GINS3: variants seen among roughly 807,000 people sequenced by gnomAD.
GINS3 encodes the protein GINS complex subunit 3.
A neutral mutation model predicts 20.0 loss-of-function variants in GINS3; 18 were observed. The ratio of observed to expected loss-of-function variants is 0.90; its 90% CI spans 0.62 to 1.33. The LOEUF (loss-of-function observed/expected upper bound fraction) is 1.33, where lower values mean the gene tolerates loss of function less well. GINS3 is among the 40% of genes most tolerant of loss of function. The pLI is 0.00. For synonymous variants in GINS3, 109 were observed against 107.0 expected (o/e 1.02, Z -0.12); for missense variants, 254 against 273.6 (o/e 0.93, Z 0.51).
rs533887510 is a variant in GINS3 at position 58,406,077 on chromosome 16, TAATC to T, written c.*1351_*1354del. On this transcript the variant is annotated 3_prime_UTR_variant, in exon 3 of 3. Coordinates refer to ENST00000318129, the MANE Select transcript of GINS3 (RefSeq NM_022770.4). Reference sequence around the variant, plus strand: ...AGTGCTCTTTCACTAGTACTACAGATAATCAAAGCTATCAGAATTGTGTCTTTGA... The same window carrying T: ...AGTGCTCTTTCACTAGTACTACAGATAAAGCTATCAGAATTGTGTCTTTGA... 148 of 152,334 alleles carry T rather than the reference TAATC, an allele frequency of 9.7e-4. No homozygotes were observed. The highest frequency in any genetic ancestry group is 3.4e-3 in the African/African-American group (142 of 41,568). 9.4% of individuals were successfully genotyped at this position (152,334 alleles called of 1,614,324 possible).
chr16:58,402,924 AC>A (rs1346689558), intron 1 of GINS3, 173 bp from the exon 2 acceptor site: 2 of 596,616 alleles, frequency 3.4e-6, no homozygotes, highest in East Asian at 5.5e-5. Flanking sequence ...ATCACATAAA[AC>A]TTCAGCCCAC....
chr16:58,398,497 T>C (rs1386749465), intron 1 of GINS3, among the ~76,000 whole-genome samples: 3 of 151,996 alleles, frequency 2.0e-5, no homozygotes, highest in Non-Finnish European at 4.4e-5. Flanking sequence ...TGGTCACAGC[T>C]ACTCAGGAGG....
intron 1 of GINS3, among the ~76,000 whole-genome samples, chr16:58,394,217 G>T (rs1204599505): frequency 6.6e-6 from 1 of 151,812 alleles, no homozygotes; most frequent in African/African-American, 2.4e-5. Context: ...GCCTTCTCTT[G>T]GTTGTGACAA....
chr16:58,395,601 AC>A (rs1229170822), intron 1 of GINS3, among the ~76,000 whole-genome samples: 4 of 151,980 alleles, frequency 2.6e-5, no homozygotes, highest in Non-Finnish European at 4.4e-5. Flanking sequence ...AATCCATTCA[AC>A]CCCTGAGTGG....
At position 58,392,770 on chromosome 16, in the gene GINS3, G is replaced by A; in HGVS notation, c.169G>A (p.Asp57Asn). ...FLERSAGAET[D>N]NAVPQGSKLE... ...GGAGCGGAGCGCAGGCGCCGAGACT[G>A]ACAACGCGGTCCCACAGGTGAGCCT... is the stretch of plus-strand genomic sequence containing the variant. The change falls in exon 1 of 3, where the codon GAC becomes AAC. Residue 57 changes from aspartate to asparagine, a missense_variant. Coordinates refer to ENST00000318129, the MANE Select transcript of GINS3 (RefSeq NM_022770.4). 6.2e-7 allele frequency: 1 copy of A among 1,609,390 alleles called. No homozygotes were observed. Among genetic ancestry groups the A allele is most frequent in the Non-Finnish European group, 8.5e-7 (1 of 1,178,820 alleles).
chr16:58,394,189 A>G (rs781602760), intron 1 of GINS3, among the ~76,000 whole-genome samples: 3 of 152,136 alleles, frequency 2.0e-5, no homozygotes, highest in Non-Finnish European at 4.4e-5. Context: ...CACTGCATTT[A>G]GTAGACATGT....
rs547038018 is a variant in GINS3 at position 58,396,131 on chromosome 16, G to A, written c.186+3344G>A. On this transcript the variant is annotated intron_variant, in intron 1 of 2. Coordinates refer to ENST00000318129, the MANE Select transcript of GINS3 (RefSeq NM_022770.4). ...TCCCGGACGGGGCGGCTGGCTGGGTGGGGGGCTGACCCCCCCACCTCCCTC... is the reference window on the plus strand; with the variant it reads ...TCCCGGACGGGGCGGCTGGCTGGGTAGGGGGCTGACCCCCCCACCTCCCTC... Among the ~76,000 whole-genome samples, 288 of 127,584 alleles carry A rather than the reference G, an allele frequency of 2.3e-3. 6 individuals carry two copies. The highest frequency in any genetic ancestry group is 8.3e-3 in the African/African-American group (268 of 32,376). The allele number at this position is 127,584 out of a possible 152,430, so 83.7% of individuals were successfully genotyped here. A position where few individuals can be genotyped will look rare whatever the true frequency, so the allele number is the denominator to read the frequency against.
chr16:58,393,828 CA>C (rs746322212), intron 1 of GINS3, among the ~76,000 whole-genome samples: 3,317 of 55,396 alleles, frequency 0.06, 88 homozygotes, highest in African/African-American at 0.17. Context: ...GACTCCATCT[CA>C]AAAAAAAAAA....
At chr16:58,401,557 T>C (rs916093821) in intron 1 of GINS3, among the ~76,000 whole-genome samples, 6 of 152,236 alleles carry the variant, frequency 3.9e-5, no homozygotes, top group African/African-American at 1.4e-4. Flanking sequence ...CTGATTGGTC[T>C]GTTTTTACAG....
Position 58,403,217 on chromosome 16 carries a change from A to C in GINS3, c.306A>C (p.Ala102=), listed in dbSNP as rs749824636. 1.9e-6 allele frequency: 3 copies of C among 1,614,192 alleles called. No individual in the cohort carries two copies. The part of the protein sequence containing the change: ...YQEGWRTVFS[A]DPNVVDLHKM... ...AGGGTTGGAGGACTGTGTTCAGTGC[A>C]GATCCCAATGTGGTGGACCTCCACA... The change falls in exon 2 of 3, where the codon GCA becomes GCC. Residue 102 remains alanine, a synonymous_variant. Transcript: ENST00000318129.
In GINS3 at chr16:58,405,913, A is replaced by G. The variant is rs1966028913; in HGVS notation, c.*1184A>G. ...TGGGTATCCAGATTGTGCAGATGCA[A>G]ACTTAGGCTGTCTTGATGCAAACTT... On this transcript the variant is annotated 3_prime_UTR_variant, in exon 3 of 3. Transcript: ENST00000318129. The G allele has an allele frequency of 6.6e-6, 1 of 152,202 alleles. No homozygotes were observed. 9.4% of individuals were successfully genotyped at this position (152,202 alleles called of 1,614,324 possible).
chr16:58,400,514 C>T (rs369270530), intron 1 of GINS3, among the ~76,000 whole-genome samples: 72 of 152,268 alleles, frequency 4.7e-4, no homozygotes, highest in African/African-American at 1.7e-3. Flanking sequence ...ACAGACAGTT[C>T]AGGCACACTC....
intron 1 of GINS3, 31 bp from the exon 2 acceptor site, chr16:58,403,067 T>C: frequency 6.4e-7 from 1 of 1,572,160 alleles, no homozygotes; most frequent in East Asian, 2.2e-5. Flanking sequence ...TACTTGTCTG[T>C]TTTTAAAATC....
Position 58,395,058 on chromosome 16 carries a change from C to T in GINS3, c.186+2271C>T, listed in dbSNP as rs369790650. 2.0e-4 allele frequency: 104 copies of T among 529,608 alleles called. 2 individuals are homozygous for T. The South Asian group carries it at 2.4e-3, about 12-fold the overall frequency. 32.8% of individuals were successfully genotyped at this position (529,608 alleles called of 1,614,324 possible). On this transcript the variant is annotated intron_variant, in intron 1 of 2. Coordinates refer to ENST00000318129, the MANE Select transcript of GINS3 (RefSeq NM_022770.4). ...TGGTATATTTGGTTTTTAACTAAAACTTTGACCATTTTATCTAATTTTTTT... is the reference window on the plus strand; with the variant it reads ...TGGTATATTTGGTTTTTAACTAAAATTTTGACCATTTTATCTAATTTTTTT...
At chr16:58,395,929 C>T (rs988188133) in intron 1 of GINS3, among the ~76,000 whole-genome samples, 2 of 150,962 alleles carry the variant, frequency 1.3e-5, no homozygotes, top group South Asian at 2.1e-4. Flanking sequence ...TGCCCCTCAC[C>T]TCCCGGACGG....
chr16:58,393,366 G>A (rs1195438621), intron 1 of GINS3, among the ~76,000 whole-genome samples: 3 of 152,128 alleles, frequency 2.0e-5, no homozygotes, highest in Non-Finnish European at 4.4e-5. Context: ...TTCAGTTAGT[G>A]GTGAGCTGGG....
Position 58,404,866 on chromosome 16 carries a change from G to C in GINS3, c.*137G>C. 1 of 671,302 alleles carries C rather than the reference G, an allele frequency of 1.5e-6. No homozygotes were observed. The highest frequency in any genetic ancestry group is 2.6e-6 in the Non-Finnish European group (1 of 391,480). 41.6% of individuals were successfully genotyped at this position (671,302 alleles called of 1,614,324 possible). On this transcript the variant is annotated 3_prime_UTR_variant, in exon 3 of 3. Coordinates refer to ENST00000318129, the MANE Select transcript of GINS3 (RefSeq NM_022770.4). The stretch of plus-strand genomic sequence containing the variant: ...TTCCTGTGGCCATAGAGAATTATAG[G>C]GAACTGGACATGCTGGAGGATGTGG...
At chr16:58,401,493 C>T (rs1567536947) in intron 1 of GINS3, among the ~76,000 whole-genome samples, 1 of 152,166 alleles carries the variant, frequency 6.6e-6, no homozygotes, top group South Asian at 2.1e-4. Flanking sequence ...GTCCATTTTA[C>T]AGAGAGCTGA....
intron 2 of GINS3, 72 bp from the exon 3 acceptor site, chr16:58,404,427 T>G: frequency 6.2e-6 from 6 of 969,714 alleles, no homozygotes; most frequent in Non-Finnish European, 9.8e-6. Flanking sequence ...TTAAATGTTC[T>G]GAGATAAAAA....
Sources: gnomAD v4.1 joint callset for allele counts (sites outside exome capture counted in the v4.1 genomes callset) on GRCh38, gnomAD v4.1.1 for gene constraint, MANE v1.5 for transcripts, NCBI Gene and HGNC (gene_info 2026-07-23, HGNC 2026-07-21) for gene names.